The following MAD1L1 variants were observed in gnomAD, a reference collection of about 807,000 sequenced individuals.
MAD1L1 encodes the protein mitotic spindle assembly checkpoint protein MAD1.
In MAD1L1, 95 loss-of-function variants were observed where a neutral mutation model predicts 96.9. The observed-to-expected ratio is 0.98, with a 90% confidence interval of 0.83 to 1.16. The LOEUF (loss-of-function observed/expected upper bound fraction) is 1.16. MAD1L1 is among the 50% of genes most tolerant of loss of function. The pLI is 0.00. For synonymous variants in MAD1L1, 473 were observed against 396.6 expected, an observed-to-expected ratio of 1.19 and a Z score of -2.29; for missense variants, 1,007 against 954.4, an observed-to-expected ratio of 1.06 and a Z score of -0.73.
intron 11 of MAD1L1, among the ~76,000 whole-genome samples, chr7:2,105,090 A>G (rs2128553150): frequency 6.6e-6 from 1 of 152,278 alleles, no homozygotes; most frequent in East Asian, 1.9e-4. Flanking sequence ...GCTGTTCTGA[A>G]AAGAGGTCTG....
In MAD1L1 at chr7:1,939,265, C is replaced by T. The variant is rs114353873; in HGVS notation, c.1597-2368G>A. Among the ~76,000 whole-genome samples, 714 of 145,736 alleles carry T rather than the reference C, an allele frequency of 4.9e-3. 5 individuals carry two copies. Among genetic ancestry groups the T allele is most frequent in the African/African-American group, 0.016 (635 of 39,198 alleles). ...CACGGGCCAGGGCCGGGACCAGAGG[C>T]GCGCGCACACATGGGCCAGGGCCGG... On this transcript the variant is annotated intron_variant, in intron 16 of 18. Transcript: ENST00000265854.
intron 11 of MAD1L1, among the ~76,000 whole-genome samples, chr7:2,092,488 G>A (rs375091049): frequency 6.1e-4 from 92 of 151,042 alleles, no homozygotes; most frequent in Admixed American, 1.5e-3. Context: ...ACCACGCCCC[G>A]CCTAAGCATC....
rs192599737 is a variant in MAD1L1 at position 2,060,099 on chromosome 7, C to G, written c.1218+9095G>C. ...CGCTGATGCCAAGATACGCTGATGCCGAGATACGCCGAAGCCAAGATGCCG... is the reference window on the plus strand; with the variant it reads ...CGCTGATGCCAAGATACGCTGATGCGGAGATACGCCGAAGCCAAGATGCCG... On this transcript the variant is annotated intron_variant, in intron 12 of 18. Coordinates refer to ENST00000265854, the MANE Select transcript of MAD1L1 (RefSeq NM_001013836.2). Among the ~76,000 whole-genome samples, 3 of 148,036 alleles carry G rather than the reference C, an allele frequency of 2.0e-5. No individual in the cohort carries two copies. The East Asian group carries it at 6.1e-4, about 30-fold the overall frequency.
chr7:2,201,759 T>A (rs928621915), intron 10 of MAD1L1: 27 of 152,322 alleles, frequency 1.8e-4, no homozygotes, highest in African/African-American at 6.3e-4. Flanking sequence ...CGGTCTCTTC[T>A]GGGAAGCCCT....
At chr7:1,868,470 G>T (rs1784884390) in intron 18 of MAD1L1, among the ~76,000 whole-genome samples, 1 of 136,058 alleles carries the variant, frequency 7.3e-6, no homozygotes, top group African/African-American at 2.6e-5. Flanking sequence ...CCCCAGCGAG[G>T]CCTCCCACCC....
At chr7:1,870,874 T>C (rs1257361929) in intron 18 of MAD1L1, among the ~76,000 whole-genome samples, 65 of 75,714 alleles carry the variant, frequency 8.6e-4, no homozygotes, top group Middle Eastern at 0.015. Flanking sequence ...ACGCTGAACC[T>C]AACATACGCC....
rs539754764 is a variant in MAD1L1, at chr7:2,043,563, G to A, written c.1218+25631C>T. Among the ~76,000 whole-genome samples the A allele has an allele frequency of 4.9e-4, 74 of 152,352 alleles. 1 individual carries two copies. The highest frequency in any genetic ancestry group is 1.6e-3 in the African/African-American group (65 of 41,576). On this transcript the variant is annotated intron_variant, in intron 12 of 18. Transcript: ENST00000265854. ...CTTGGGAACGTGATGCCCGGGTACC[G>A]TGCCTACAAGGACGCTGGGTCATGA...
At chr7:1,865,497 A>T (rs1784736846) in intron 18 of MAD1L1, among the ~76,000 whole-genome samples, 1 of 152,226 alleles carries the variant, frequency 6.6e-6, no homozygotes, top group Non-Finnish European at 1.5e-5. Context: ...CCTCAGAAGA[A>T]ATTGCTTTAA....
At chr7:1,848,211 T>C (rs1179104275) in intron 18 of MAD1L1, 2 of 182,482 alleles carry the variant, frequency 1.1e-5, no homozygotes, top group African/African-American at 4.7e-5. Flanking sequence ...GACTCACAGA[T>C]GCCAACAAGC....
At chr7:2,053,502 C>CG (rs1784271473) in intron 12 of MAD1L1, among the ~76,000 whole-genome samples, 3 of 152,224 alleles carry the variant, frequency 2.0e-5, no homozygotes, top group Non-Finnish European at 1.5e-5. Context: ...AGCCGGACGC[C>CG]GGGGATGATC....
intron 14 of MAD1L1, among the ~76,000 whole-genome samples, chr7:1,993,946 A>G (rs1781451430): frequency 6.6e-6 from 1 of 152,140 alleles, no homozygotes; most frequent in Non-Finnish European, 1.5e-5. Flanking sequence ...GATTTCACAG[A>G]CAGCCTGATA....
At position 1,960,794 on chromosome 7, in the gene MAD1L1, A is replaced by T. The variant is rs1583922781; in HGVS notation, c.1506-3075T>A. Among the ~76,000 whole-genome samples the T allele has an allele frequency of 2.6e-5, 4 of 152,304 alleles. No homozygotes were observed. In the South Asian group the frequency reaches 8.3e-4, roughly 32 times the overall value. ...ACCACATGATCAGCCAACTTGACCTATTTCACCTGGATAAATGCTTCGACT... is the reference window on the plus strand; with the variant it reads ...ACCACATGATCAGCCAACTTGACCTTTTTCACCTGGATAAATGCTTCGACT... On this transcript the variant is annotated intron_variant, in intron 15 of 18. Transcript: ENST00000265854.
chr7:1,908,229 C>T (rs145915742), intron 17 of MAD1L1, among the ~76,000 whole-genome samples: 218 of 152,284 alleles, frequency 1.4e-3, no homozygotes, highest in Admixed American at 3.1e-3. Flanking sequence ...GCAACTCTCG[C>T]GATCATACCC....
intron 10 of MAD1L1, among the ~76,000 whole-genome samples, chr7:2,165,326 T>C (rs1259702675): frequency 1.3e-5 from 2 of 152,260 alleles, no homozygotes; most frequent in East Asian, 1.9e-4. Context: ...CCGGGAACTC[T>C]GGACTGATAG....
intron 14 of MAD1L1, among the ~76,000 whole-genome samples, chr7:1,985,072 G>C (rs1337122899): frequency 1.3e-5 from 2 of 152,194 alleles, no homozygotes; most frequent in Non-Finnish European, 2.9e-5. Flanking sequence ...GTCTGTGACG[G>C]TTCATTCCAT....
chr7:2,110,988 C>T (rs1029926861), intron 11 of MAD1L1, among the ~76,000 whole-genome samples: 1 of 152,158 alleles, frequency 6.6e-6, no homozygotes, highest in Admixed American at 6.5e-5. Flanking sequence ...ATCCCTCCCT[C>T]GAGTCCTGTA....
intron 16 of MAD1L1, chr7:1,940,671 A>C (rs1307938122): frequency 6.6e-6 from 1 of 152,380 alleles, no homozygotes; most frequent in Non-Finnish European, 1.5e-5. Context: ...CTGCACCCAG[A>C]AAGCCGCAGG....
intron 15 of MAD1L1, among the ~76,000 whole-genome samples, chr7:1,971,819 T>G (rs1038951116): frequency 3.0e-4 from 45 of 152,168 alleles, no homozygotes; most frequent in African/African-American, 1.1e-3. Context: ...CCAAGAAGCT[T>G]TGACACCACA....
At chr7:2,053,207 T>C (rs1003037741) in intron 12 of MAD1L1, among the ~76,000 whole-genome samples, 1 of 152,238 alleles carries the variant, frequency 6.6e-6, no homozygotes, top group Non-Finnish European at 1.5e-5. Context: ...CCTCGGGATC[T>C]GCTACCTGGT....
Sources: allele counts gnomAD v4.1 joint callset (sites outside exome capture counted in the v4.1 genomes callset), GRCh38; gene constraint gnomAD v4.1.1; transcripts MANE v1.5; gene names NCBI Gene and HGNC (gene_info 2026-07-23, HGNC 2026-07-21).